The following CDH1 variants were observed in gnomAD, a reference collection of about 807,000 sequenced individuals.
The protein encoded by CDH1 is cadherin 1, also known as cadherin-1.
A neutral mutation model predicts 84.5 loss-of-function variants in CDH1; 35 were observed. The observed-to-expected ratio is 0.41, with a 90% CI of 0.32 to 0.55. CDH1 has a LOEUF of 0.55. CDH1 is among the 20% of genes least tolerant of loss of function. The pLI is 0.19. For missense variants in CDH1, 994 were observed against 1,126.6 expected, an observed-to-expected ratio of 0.88 and a Z score of 1.68; for synonymous variants, 417 against 439.0, an observed-to-expected ratio of 0.95 and a Z score of 0.63.
At chr16:68,820,139 CA>C (rs1323474637) in intron 11 of CDH1, among the ~76,000 whole-genome samples, 4 of 151,830 alleles carry the variant, frequency 2.6e-5, no homozygotes, top group Admixed American at 1.3e-4. Context: ...GTGGAGGCTG[CA>C]GTGAGCCAAG....
chr16:68,751,452 T>A (rs1156859454), intron 2 of CDH1, among the ~76,000 whole-genome samples: 1 of 152,196 alleles, frequency 6.6e-6, no homozygotes, highest in Non-Finnish European at 1.5e-5. Flanking sequence ...AGCCTTTGCT[T>A]AAATGTCACT....
chr16:68,783,496 G>T (rs1350050274), intron 2 of CDH1, among the ~76,000 whole-genome samples: 1 of 152,010 alleles, frequency 6.6e-6, no homozygotes, highest in East Asian at 1.9e-4. Context: ...GCCTAAAAGT[G>T]TCTGCCTGTC....
At chr16:68,776,769 G>A (rs571102755) in intron 2 of CDH1, among the ~76,000 whole-genome samples, 119 of 152,290 alleles carry the variant, frequency 7.8e-4, no homozygotes, top group Admixed American at 2.2e-3. Flanking sequence ...ACAGTTTTCA[G>A]CAAAACAGCC....
intron 2 of CDH1, among the ~76,000 whole-genome samples, chr16:68,752,928 C>T (rs968530398): frequency 6.6e-6 from 1 of 152,190 alleles, no homozygotes; most frequent in Admixed American, 6.5e-5. Flanking sequence ...ACACCTGCCC[C>T]CTGGGTATCT....
chr16:68,802,696 C>A (rs779775580), intron 3 of CDH1, among the ~76,000 whole-genome samples: 1 of 152,094 alleles, frequency 6.6e-6, no homozygotes, highest in African/African-American at 2.4e-5. Flanking sequence ...GTCTCGAATT[C>A]CTGACCTCAA....
At position 68,810,302 on chromosome 16, in the gene CDH1, G is replaced by A. The variant is rs876659503; in HGVS notation, c.793G>A (p.Glu265Lys). 3 of 1,614,120 alleles carry A rather than the reference G, an allele frequency of 1.9e-6. No homozygotes were observed. The highest frequency in any genetic ancestry group is 1.3e-5 in the African/African-American group (1 of 75,026). ...TGACAACAAGCCCGAATTCACCCAG[G>A]AGGTCTTTAAGGGGTCTGTCATGGA... ...QNDNKPEFTQ[E>K]VFKGSVMEGA... Residue 265 changes from glutamate to lysine, a missense_variant, in exon 6 of 16, where the codon GAG (glutamate) becomes AAG (lysine). Transcript: ENST00000261769.
At chr16:68,770,405 C>T (rs560434893) in intron 2 of CDH1, among the ~76,000 whole-genome samples, 1 of 152,200 alleles carries the variant, frequency 6.6e-6, no homozygotes, top group South Asian at 2.1e-4. Context: ...CATAGAGGGC[C>T]CTTAGGGGAT....
chr16:68,741,913 C>T (rs1962574671), intron 2 of CDH1, among the ~76,000 whole-genome samples: 3 of 152,160 alleles, frequency 2.0e-5, no homozygotes, highest in East Asian at 3.9e-4. Flanking sequence ...TCAGGTGATC[C>T]GCCTGCCTTG....
chr16:68,752,711 G>A (rs1439530328), intron 2 of CDH1, among the ~76,000 whole-genome samples: 2 of 152,100 alleles, frequency 1.3e-5, no homozygotes, highest in Admixed American at 1.3e-4. Flanking sequence ...GCACACCCCT[G>A]ATGTAACCTT....
intron 2 of CDH1, among the ~76,000 whole-genome samples, chr16:68,751,209 C>T (rs1438763460): frequency 1.3e-5 from 2 of 152,172 alleles, no homozygotes; most frequent in Non-Finnish European, 2.9e-5. Context: ...ACAAAATAAG[C>T]GCCTAAGTCC....
rs749712919 is a variant in CDH1 at position 68,833,241 on chromosome 16, G to A, written c.2440-49G>A. The A allele has an allele frequency of 7.9e-6, 12 of 1,521,326 alleles. No individual in the cohort carries two copies. In the South Asian group the frequency reaches 1.3e-4, roughly 17 times the overall value. The allele number at this position is 1,521,326 out of a possible 1,614,324, so 94.2% of individuals were successfully genotyped here. A position where few individuals can be genotyped will look rare whatever the true frequency, so the allele number is the denominator to read the frequency against. On this transcript the variant is annotated intron_variant, in intron 15 of 15. Coordinates refer to ENST00000261769, the MANE Select transcript of CDH1 (RefSeq NM_004360.5). ...GCTAGACTTCTTGCCCCAGATGACA[G>A]GTGTGCCCTTCCTTTCACTAAAAGA...
intron 2 of CDH1, among the ~76,000 whole-genome samples, chr16:68,739,485 G>C (rs1223594787): frequency 2.0e-5 from 3 of 151,998 alleles, no homozygotes; most frequent in Non-Finnish European, 4.4e-5. Flanking sequence ...TGCTGGTGTT[G>C]AACTCTTGGG....
At chr16:68,821,424 C>T (rs1249850378) in intron 11 of CDH1, among the ~76,000 whole-genome samples, 1 of 148,416 alleles carries the variant, frequency 6.7e-6, no homozygotes, top group African/African-American at 2.5e-5. Flanking sequence ...GAACTGTGTT[C>T]ATGCCACTGC....
At chr16:68,745,043 G>T (rs74670787) in intron 2 of CDH1, among the ~76,000 whole-genome samples, 2 of 152,076 alleles carry the variant, frequency 1.3e-5, no homozygotes, top group Non-Finnish European at 2.9e-5. Flanking sequence ...AGGGTGGACC[G>T]GAACGGGTTT....
At chr16:68,748,618 C>T (rs1235876159) in intron 2 of CDH1, among the ~76,000 whole-genome samples, 3 of 152,148 alleles carry the variant, frequency 2.0e-5, no homozygotes, top group African/African-American at 7.2e-5. Context: ...TTTTTCTACA[C>T]ATTCTGGTGT....
In CDH1 at chr16:68,737,390, C is replaced by T. The variant is rs730881643; in HGVS notation, c.-26C>T. 5.0e-5 allele frequency: 77 copies of T among 1,529,470 alleles called. 1 individual carries two copies. In the South Asian group the frequency reaches 7.3e-4, roughly 15 times the overall value. 94.7% of individuals were successfully genotyped at this position (1,529,470 alleles called of 1,614,324 possible). On this transcript the variant is annotated 5_prime_UTR_variant, in exon 1 of 16. Transcript: ENST00000261769. ...CCGACCCGACCGCACCCGGCGCCTG[C>T]CCTCGCTCGGCGTCCCCGGCCAGCC...
rs2152144772 is a variant in CDH1 at position 68,834,698 on chromosome 16, A to C, written c.*1199A>C. 4.3e-6 allele frequency: 1 copy of C among 234,744 alleles called. No homozygotes were observed. Among genetic ancestry groups the C allele is most frequent in the South Asian group, 1.7e-4 (1 of 5,870 alleles). The allele number at this position is 234,744 out of a possible 1,614,324, so 14.5% of individuals were successfully genotyped here. A position where few individuals can be genotyped will look rare whatever the true frequency, so the allele number is the denominator to read the frequency against. On this transcript the variant is annotated 3_prime_UTR_variant, in exon 16 of 16. Transcript: ENST00000261769. ...AATGGCTTCCCTCTTTCATCTCCTG[A>C]GTATGTAACTTGCAATGGGCAGCTA...
At chr16:68,798,513 G>A (rs187674337) in intron 2 of CDH1, among the ~76,000 whole-genome samples, 1 of 152,132 alleles carries the variant, frequency 6.6e-6, no homozygotes, top group African/African-American at 2.4e-5. Flanking sequence ...GGGGCTCCTC[G>A]TCATACTGTC....
chr16:68,810,261 C>T lies in CDH1; in HGVS notation c.752C>T (p.Thr251Met), dbSNP rs1454205778. 4 of 1,613,796 alleles carry T rather than the reference C, an allele frequency of 2.5e-6. No homozygotes were observed. Among genetic ancestry groups the T allele is most frequent in the East Asian group, 2.2e-5 (1 of 44,888 alleles). The part of the protein sequence containing the change: ...AVEDPMEILI[T>M]VTDQNDNKPE... ...GAGGATCCAATGGAGATTTTGATCA[C>T]GGTAACCGATCAGAATGACAACAAG... The change falls in exon 6 of 16, where the codon ACG becomes ATG. Residue 251 changes from threonine to methionine, a missense_variant. By Grantham distance (81) the Thr-to-Met change is moderately conservative. Around this residue, in one of 3 missense-constraint regions of CDH1, gnomAD observed 769 missense variants for 881.8 expected, o/e 0.87. Transcript: ENST00000261769.
Sources: gnomAD v4.1 joint callset for allele counts (sites outside exome capture counted in the v4.1 genomes callset) on GRCh38, gnomAD v4.1.1 for gene constraint, gnomAD v4.1.1 regional missense constraint, MANE v1.5 for transcripts, NCBI Gene and HGNC (gene_info 2026-07-23, HGNC 2026-07-21) for gene names.